LYPLAL1: variants seen among roughly 807,000 people sequenced by gnomAD.
The protein encoded by LYPLAL1 is lysophospholipase-like protein 1.
In LYPLAL1, 23 loss-of-function variants were observed where a neutral mutation model predicts 19.7. The observed-to-expected ratio is 1.17, with a 90% CI of 0.84 to 1.65. The LOEUF is 1.65. Among genes scored for constraint, LYPLAL1 ranks in the 40% most tolerant of loss-of-function variants. LYPLAL1 has a pLI of 0.00. For missense variants in LYPLAL1, 355 were observed against 279.4 expected (o/e 1.27, Z -1.93); for synonymous variants, 119 against 96.3 (o/e 1.24, Z -1.38).
At chr1:219,397,630 T>A in the LYPLAL1 span, among the ~76,000 whole-genome samples, 1 of 152,230 alleles carries the variant, frequency 6.6e-6, no homozygotes, top group Non-Finnish European at 1.5e-5. Flanking sequence ...GACTTGTTTA[T>A]GTGGTTGCTT....
At chr1:219,262,624 G>T in the LYPLAL1 span, among the ~76,000 whole-genome samples, 11 of 152,182 alleles carry the variant, frequency 7.2e-5, no homozygotes, top group Admixed American at 2.6e-4. Context: ...TAGCCACCCA[G>T]TGGGGCTACC....
At chr1:219,191,193 G>A (rs1487672368) in intron 2 of LYPLAL1, among the ~76,000 whole-genome samples, 1 of 151,564 alleles carries the variant, frequency 6.6e-6, no homozygotes, top group Non-Finnish European at 1.5e-5. Context: ...TTTTATGGAA[G>A]CAACTTTGAG....
the LYPLAL1 span, among the ~76,000 whole-genome samples, chr1:219,278,750 C>G: frequency 6.6e-6 from 1 of 152,166 alleles, no homozygotes; most frequent in Non-Finnish European, 1.5e-5. Flanking sequence ...ACCCTGCCAT[C>G]TTGTCTACTT....
intron 1 of LYPLAL1, chr1:219,174,296 G>A (rs1655624670): frequency 4.9e-6 from 6 of 1,234,412 alleles, no homozygotes. Context: ...AACAGAGCAA[G>A]TTAGTAAGGT....
the LYPLAL1 span, among the ~76,000 whole-genome samples, chr1:219,443,917 AGGG>A: frequency 5.3e-5 from 8 of 152,174 alleles, no homozygotes; most frequent in African/African-American, 1.9e-4. Context: ...TTCCCATTGC[AGGG>A]CCCACTCATA....
At chr1:219,417,838 G>A in the LYPLAL1 span, among the ~76,000 whole-genome samples, 1 of 152,190 alleles carries the variant, frequency 6.6e-6, no homozygotes, top group Admixed American at 6.5e-5. Flanking sequence ...CATCCCTCTG[G>A]GCCTTGCCCT....
At chr1:219,337,914 A>G in the LYPLAL1 span, among the ~76,000 whole-genome samples, 1 of 152,066 alleles carries the variant, frequency 6.6e-6, no homozygotes, top group Non-Finnish European at 1.5e-5. Flanking sequence ...TTAAAAAGAC[A>G]CACATGTGAG....
the LYPLAL1 span, among the ~76,000 whole-genome samples, chr1:219,277,633 C>G: frequency 6.6e-6 from 1 of 152,210 alleles, no homozygotes; most frequent in Non-Finnish European, 1.5e-5. Context: ...TGGCCTCACA[C>G]ACTATCTTCT....
chr1:219,422,462 A>G, the LYPLAL1 span, among the ~76,000 whole-genome samples: 2 of 152,310 alleles, frequency 1.3e-5, no homozygotes, highest in East Asian at 3.9e-4. Flanking sequence ...TGCACAGAGC[A>G]GGAGAGAGAG....
the LYPLAL1 span, among the ~76,000 whole-genome samples, chr1:219,382,354 T>A: frequency 1.3e-5 from 2 of 152,228 alleles, no homozygotes; most frequent in South Asian, 4.2e-4. Flanking sequence ...AGTTGCCACT[T>A]TTTTTGTTGT....
the LYPLAL1 span, among the ~76,000 whole-genome samples, chr1:219,314,052 C>T: frequency 6.6e-6 from 1 of 152,224 alleles, no homozygotes; most frequent in Non-Finnish European, 1.5e-5. Context: ...GTGTTTAGCT[C>T]CCACTTATAA....
chr1:219,209,607 ATATTTTTG>A (rs1327178932), intron 3 of LYPLAL1, among the ~76,000 whole-genome samples: 1 of 152,118 alleles, frequency 6.6e-6, no homozygotes, highest in African/African-American at 2.4e-5. Context: ...ACTTCAAAGT[ATATTTTTG>A]TATTTCTATG....
At chr1:219,395,830 G>A in the LYPLAL1 span, among the ~76,000 whole-genome samples, 2 of 152,084 alleles carry the variant, frequency 1.3e-5, no homozygotes, top group Non-Finnish European at 2.9e-5. Flanking sequence ...TTGGCTGGAT[G>A]CGGTGGCTCA....
the LYPLAL1 span, among the ~76,000 whole-genome samples, chr1:219,371,243 T>G: frequency 6.6e-6 from 1 of 152,168 alleles, no homozygotes; most frequent in Non-Finnish European, 1.5e-5. Context: ...GCAGGATGCA[T>G]AGATCCCAGT....
At chr1:219,257,421 A>T in the LYPLAL1 span, among the ~76,000 whole-genome samples, 158 of 145,566 alleles carry the variant, frequency 1.1e-3, 1 homozygote, top group African/African-American at 3.9e-3. Flanking sequence ...CAGTGTTTTA[A>T]TGTAGGTTCT....
At chr1:219,356,412 A>G in the LYPLAL1 span, among the ~76,000 whole-genome samples, 1 of 152,194 alleles carries the variant, frequency 6.6e-6, no homozygotes, top group Non-Finnish European at 1.5e-5. Flanking sequence ...AGGCAGGAGA[A>G]TCGCTTGAAC....
the LYPLAL1 span, among the ~76,000 whole-genome samples, chr1:219,423,410 T>C: frequency 5.9e-5 from 9 of 152,326 alleles, no homozygotes; most frequent in African/African-American, 2.2e-4. Context: ...TGAATGTGTT[T>C]CGTTTTGCTA....
the LYPLAL1 span, among the ~76,000 whole-genome samples, chr1:219,306,803 T>C: frequency 7.6e-6 from 1 of 131,854 alleles, no homozygotes; most frequent in Non-Finnish European, 1.6e-5. Context: ...GACAGATGCA[T>C]AGATAGATAT....
the LYPLAL1 span, among the ~76,000 whole-genome samples, chr1:219,328,496 C>T: frequency 1.3e-5 from 2 of 152,130 alleles, no homozygotes; most frequent in Non-Finnish European, 2.9e-5. Context: ...AATTTCTTTT[C>T]ATTAATACTG....
Sources: gnomAD v4.1 joint callset for allele counts (sites outside exome capture counted in the v4.1 genomes callset) on GRCh38, gnomAD v4.1.1 for gene constraint, MANE v1.5 for transcripts, NCBI Gene and HGNC (gene_info 2026-07-23, HGNC 2026-07-21) for gene names.